Variants in TDRD3 observed in about 807,000 individuals in gnomAD.
The protein encoded by TDRD3 is tudor domain containing 3, also known as tudor domain-containing protein 3.
A neutral mutation model predicts 86.7 loss-of-function variants in TDRD3; 45 were observed. The observed-to-expected ratio is 0.52, with a 90% CI of 0.41 to 0.67. TDRD3 has a LOEUF of 0.67. Ranked by LOEUF, TDRD3 falls within the 30% of genes least tolerant of loss-of-function variation. TDRD3 has a pLI of 0.00. For missense variants in TDRD3, 814 were observed against 889.0 expected (o/e 0.92, Z 1.07); for synonymous variants, 298 against 301.7 (o/e 0.99, Z 0.13).
At chr13:60,405,855 A>G (rs927070729) in intron 1 of TDRD3, among the ~76,000 whole-genome samples, 2 of 152,238 alleles carry the variant, frequency 1.3e-5, no homozygotes, top group African/African-American at 2.4e-5. Flanking sequence ...GGGCAGGACT[A>G]TGAAATAGAT....
At chr13:60,404,753 CA>C (rs1191966703) in intron 1 of TDRD3, among the ~76,000 whole-genome samples, 19 of 152,154 alleles carry the variant, frequency 1.2e-4, no homozygotes, top group Non-Finnish European at 2.2e-4. Context: ...TACAGGTGCC[CA>C]CCACCACACC....
At position 60,456,069 on chromosome 13, in the gene TDRD3, C is replaced by CAAAAAA. The variant is rs35117003; in HGVS notation, c.193-4297_193-4292dup. Among the ~76,000 whole-genome samples the CAAAAAA allele has an allele frequency of 6.5e-4, 62 of 95,434 alleles. 3 individuals are homozygous for CAAAAAA. The highest frequency in any genetic ancestry group is 8.4e-4 in the Non-Finnish European group (42 of 49,958). 62.6% of individuals were successfully genotyped at this position (95,434 alleles called of 152,430 possible). On this transcript the variant is annotated intron_variant, in intron 3 of 13. Transcript: ENST00000377881. ...TGGGTGACAGAGTGAGACTATGTCT[C>CAAAAAA]AAAAAAAAAAAAAAAAAAAGATTAA... is the stretch of plus-strand genomic sequence containing the variant.
chr13:60,546,158 G>A (rs1957936966), intron 12 of TDRD3, among the ~76,000 whole-genome samples: 2 of 152,050 alleles, frequency 1.3e-5, no homozygotes, highest in Non-Finnish European at 2.9e-5. Flanking sequence ...GTAAATGCTT[G>A]CTTTGTACTT....
intron 12 of TDRD3, among the ~76,000 whole-genome samples, chr13:60,553,409 C>T (rs548898925): frequency 5.3e-5 from 8 of 152,218 alleles, no homozygotes; most frequent in African/African-American, 1.9e-4. Flanking sequence ...GTATCCTCCG[C>T]CTGTTACCCA....
chr13:60,416,928 C>A (rs1954531436), intron 1 of TDRD3, among the ~76,000 whole-genome samples: 3 of 151,522 alleles, frequency 2.0e-5, no homozygotes, highest in African/African-American at 7.3e-5. Context: ...CTTTCCCTGG[C>A]TTTTCTTAGT....
intron 12 of TDRD3, among the ~76,000 whole-genome samples, chr13:60,558,078 C>T (rs960343900): frequency 6.6e-6 from 1 of 152,168 alleles, no homozygotes; most frequent in Non-Finnish European, 1.5e-5. Flanking sequence ...ACCTCACCTT[C>T]CCAAAGTGCT....
chr13:60,557,694 A>C (rs1194216789), intron 12 of TDRD3, among the ~76,000 whole-genome samples: 1 of 151,818 alleles, frequency 6.6e-6, no homozygotes, highest in Non-Finnish European at 1.5e-5. Context: ...TTGATATAAA[A>C]ATTTTTTCTT....
intron 12 of TDRD3, among the ~76,000 whole-genome samples, chr13:60,552,745 C>T (rs1958095854): frequency 6.6e-6 from 1 of 152,252 alleles, no homozygotes; most frequent in Admixed American, 6.5e-5. Flanking sequence ...TAAGTGGAGG[C>T]TCCCAAACCT....
chr13:60,571,198 T>G (rs750470597), intron 13 of TDRD3, among the ~76,000 whole-genome samples: 3 of 152,230 alleles, frequency 2.0e-5, no homozygotes, highest in Non-Finnish European at 4.4e-5. Flanking sequence ...AAGAAAATTT[T>G]ACTTAGTTTT....
intron 6 of TDRD3, among the ~76,000 whole-genome samples, 173 bp downstream of exon 6, chr13:60,484,019 A>G (rs1956374463): frequency 6.6e-6 from 1 of 152,094 alleles, no homozygotes; most frequent in African/African-American, 2.4e-5. Context: ...CTGTAGTTAT[A>G]TTGTTGACGT....
rs773122882 is a variant in TDRD3, at chr13:60,528,442, A to T, written c.1217A>T (p.Asp406Val). The change falls in exon 11 of 14, where the codon GAT becomes GTT. Residue 406 changes from aspartate (D) to valine (V), a missense_variant. Asp to Val is a radical substitution (Grantham distance 152). Transcript: ENST00000377881. ...SSNTEQNGVK[D>V]NNHLRHPPRN... ...AATACTGAGCAAAATGGAGTAAAAG[A>T]TAATAATCATCTGAGACATCCTCCT... 4 of 1,079,734 alleles carry T rather than the reference A, an allele frequency of 3.7e-6. No individual in the cohort carries two copies. Among genetic ancestry groups the T allele is most frequent in the Non-Finnish European group, 5.2e-6 (4 of 769,846 alleles). The allele number at this position is 1,079,734 out of a possible 1,614,324, so 66.9% of individuals were successfully genotyped here.
intron 3 of TDRD3, among the ~76,000 whole-genome samples, chr13:60,453,870 A>T (rs1288019878): frequency 6.6e-6 from 1 of 152,130 alleles, no homozygotes; most frequent in South Asian, 2.1e-4. Flanking sequence ...TGTTCATGAT[A>T]TAAAAGACAA....
intron 10 of TDRD3, among the ~76,000 whole-genome samples, chr13:60,511,244 C>G (rs1326629788): frequency 6.6e-6 from 1 of 152,056 alleles, no homozygotes; most frequent in Non-Finnish European, 1.5e-5. Context: ...TTTTTCTAAG[C>G]ACATAATATA....
At chr13:60,498,915 T>C (rs1041833705) in intron 8 of TDRD3, among the ~76,000 whole-genome samples, 14 of 152,090 alleles carry the variant, frequency 9.2e-5, no homozygotes, top group African/African-American at 2.9e-4. Flanking sequence ...GAGTTTTAGC[T>C]CAGGTCCAAA....
At chr13:60,553,720 AACTC>A (rs1358778973) in intron 12 of TDRD3, among the ~76,000 whole-genome samples, 10 of 152,036 alleles carry the variant, frequency 6.6e-5, no homozygotes, top group South Asian at 2.1e-4. Context: ...CTCTCATGAG[AACTC>A]ACTCACTATC....
At chr13:60,491,490 T>A (rs1956587433) in intron 7 of TDRD3, among the ~76,000 whole-genome samples, 1 of 152,156 alleles carries the variant, frequency 6.6e-6, no homozygotes, top group Non-Finnish European at 1.5e-5. Context: ...AGAGCCTAGA[T>A]GGCAGAAGTG....
chr13:60,510,620 G>C lies in TDRD3; in HGVS notation c.1016-10G>C. 6.3e-7 allele frequency: 1 copy of C among 1,581,848 alleles called. No homozygotes were observed. Among genetic ancestry groups the C allele is most frequent in the Non-Finnish European group, 8.6e-7 (1 of 1,166,910 alleles). On this transcript the variant is annotated splice_polypyrimidine_tract_variant and intron_variant, in intron 9 of 13. Coordinates refer to ENST00000377881, the MANE Select transcript of TDRD3 (RefSeq NM_001146070.2). ...TATACAGTACATATTTCTTGCTTTT[G>C]CATCTAAAGGTAGAGGAAAAGGCAG...
chr13:60,428,675 C>T (rs962003722), intron 1 of TDRD3, among the ~76,000 whole-genome samples: 23 of 152,274 alleles, frequency 1.5e-4, no homozygotes, highest in African/African-American at 4.3e-4. Flanking sequence ...GGAGAACATA[C>T]GTCTTGAGAC....
chr13:60,569,186 C>G (rs1595135101), intron 13 of TDRD3, among the ~76,000 whole-genome samples: 1 of 152,094 alleles, frequency 6.6e-6, no homozygotes, highest in Admixed American at 6.5e-5. Flanking sequence ...CCAGGTTGGT[C>G]TCAAACTCCT....
Sources: allele counts gnomAD v4.1 joint callset (sites outside exome capture counted in the v4.1 genomes callset), GRCh38; gene constraint gnomAD v4.1.1; transcripts MANE v1.5; gene names NCBI Gene and HGNC (gene_info 2026-07-23, HGNC 2026-07-21).